Variants in CCDC18 observed in about 807,000 individuals in gnomAD.
CCDC18 encodes the protein coiled-coil domain containing 18, also known as coiled-coil domain-containing protein 18.
A neutral mutation model predicts 196.0 loss-of-function variants in CCDC18; 157 were observed. That is an observed-to-expected ratio of 0.80 (90% CI 0.70 to 0.91). CCDC18 has a LOEUF of 0.91. Ranked by LOEUF, CCDC18 falls within the 40% of genes least tolerant of loss-of-function variation. The pLI, the probability that CCDC18 is intolerant of heterozygous loss-of-function variation, is 0.00. For missense variants in CCDC18, 1,465 were observed against 1,611.6 expected (o/e 0.91, Z 1.56); for synonymous variants, 482 against 529.2 (o/e 0.91, Z 1.22).
At chr1:93,185,862 ATGTAT>A (rs1366737793) in intron 3 of CCDC18, among the ~76,000 whole-genome samples, 2 of 151,826 alleles carry the variant, frequency 1.3e-5, no homozygotes, top group African/African-American at 2.4e-5. Flanking sequence ...TGAAAATTAA[ATGTAT>A]TGTAAAATAT....
intron 5 of CCDC18, 70 bp downstream of exon 5, chr1:93,192,176 C>A: frequency 9.6e-7 from 1 of 1,046,230 alleles, no homozygotes; most frequent in Non-Finnish European, 1.5e-6. Flanking sequence ...CTTGTTAAAT[C>A]TTGTTCCCCA....
chr1:93,194,547 A>G (rs941290472), intron 6 of CCDC18, among the ~76,000 whole-genome samples: 5 of 152,144 alleles, frequency 3.3e-5, no homozygotes, highest in Admixed American at 1.3e-4. Flanking sequence ...ACCTTTTGAA[A>G]TCTCAGGTTT....
chr1:93,258,328 A>G (rs951594813), intron 25 of CCDC18, among the ~76,000 whole-genome samples: 2 of 152,096 alleles, frequency 1.3e-5, no homozygotes, highest in African/African-American at 2.4e-5. Context: ...AAAATTACAC[A>G]ATTAAAATTA....
chr1:93,191,034 C>T, intron 4 of CCDC18: 1 of 919,118 alleles, frequency 1.1e-6, no homozygotes, highest in Non-Finnish European at 1.7e-6. Context: ...TACAGAAAGT[C>T]CTGCAGGTTT....
intron 28 of CCDC18, 36 bp downstream of exon 28, chr1:93,270,850 G>T (rs1665197416): frequency 7.3e-7 from 1 of 1,370,558 alleles, no homozygotes; most frequent in Non-Finnish European, 9.5e-7. Flanking sequence ...GTAATAATTT[G>T]TTTCCAAAGA....
chr1:93,263,330 T>C (rs1415445528), intron 26 of CCDC18, among the ~76,000 whole-genome samples: 1 of 152,192 alleles, frequency 6.6e-6, no homozygotes, highest in East Asian at 1.9e-4. Flanking sequence ...AATTTTTTTT[T>C]AACTTTTATG....
intron 6 of CCDC18, among the ~76,000 whole-genome samples, chr1:93,200,250 C>T (rs1051489925): frequency 2.0e-5 from 3 of 151,406 alleles, no homozygotes; most frequent in African/African-American, 7.3e-5. Flanking sequence ...GTTTGGAATA[C>T]AGGCGTGAAC....
intron 9 of CCDC18, among the ~76,000 whole-genome samples, chr1:93,209,348 T>G (rs892222083): frequency 2.4e-4 from 36 of 152,224 alleles, no homozygotes; most frequent in Non-Finnish European, 7.3e-5. Flanking sequence ...AGAAGGTAAG[T>G]AAACCTATTC....
chr1:93,220,694 C>T (rs1657291191), intron 14 of CCDC18, among the ~76,000 whole-genome samples: 1 of 152,018 alleles, frequency 6.6e-6, no homozygotes, highest in South Asian at 2.1e-4. Context: ...TAAATGTGTG[C>T]CATGGTGGTT....
intron 19 of CCDC18, 89 bp downstream of exon 19, chr1:93,236,479 T>TG: frequency 7.2e-6 from 9 of 1,250,412 alleles, no homozygotes; most frequent in Non-Finnish European, 1.0e-5. Flanking sequence ...GTGGAGCATT[T>TG]GCTTGAGGAA....
chr1:93,218,706 C>T (rs1656908317), intron 14 of CCDC18, among the ~76,000 whole-genome samples: 1 of 152,100 alleles, frequency 6.6e-6, no homozygotes, highest in South Asian at 2.1e-4. Context: ...GATGGGGTTT[C>T]ACCATGTTGG....
intron 26 of CCDC18, among the ~76,000 whole-genome samples, chr1:93,263,165 AGAGG>A (rs1664046354): frequency 6.6e-6 from 1 of 152,068 alleles, no homozygotes; most frequent in African/African-American, 2.4e-5. Flanking sequence ...TTGTGATGGG[AGAGG>A]CTTCCTTGAA....
At chr1:93,273,885 A>C (rs888115326) in intron 28 of CCDC18, among the ~76,000 whole-genome samples, 10 of 152,170 alleles carry the variant, frequency 6.6e-5, no homozygotes, top group African/African-American at 2.4e-4. Flanking sequence ...TAACTCATTT[A>C]ATCCTTATAA....
At chr1:93,249,230 A>G (rs762581035) in intron 23 of CCDC18, among the ~76,000 whole-genome samples, 2 of 152,018 alleles carry the variant, frequency 1.3e-5, no homozygotes, top group African/African-American at 2.4e-5. Flanking sequence ...CATTTCTTCT[A>G]GTTTTTCCAA....
Position 93,221,930 on chromosome 1 carries a change from A to C in CCDC18, c.2169A>C (p.Thr723=), listed in dbSNP as rs745665930. The C allele has an allele frequency of 1.3e-6, 2 of 1,578,272 alleles. No homozygotes were observed. The highest frequency in any genetic ancestry group is 8.6e-7 in the Non-Finnish European group (1 of 1,157,682). Residue 723 remains threonine (T), a synonymous_variant, in exon 16 of 29, where the codon ACA becomes ACC. Coordinates refer to ENST00000690025, the MANE Select transcript of CCDC18 (RefSeq NM_001378204.1). The part of the protein sequence containing the change: ...KALQNQVSEE[T]IKVRQLDSAL... The stretch of plus-strand genomic sequence containing the variant: ...TACAGAACCAAGTATCTGAAGAAAC[A>C]ATCAAGGCTAGTATGCTAATACTTT...
intron 23 of CCDC18, among the ~76,000 whole-genome samples, chr1:93,250,378 C>CAAAAAAAAAAAAAAAAAAAA (rs71094242): frequency 1.1e-5 from 1 of 89,430 alleles, no homozygotes; most frequent in African/African-American, 3.7e-5. Context: ...GAGACCCTGT[C>CAAAAAAAAAAAAAAAAAAAA]AAAAAAAAAA....
intron 21 of CCDC18, among the ~76,000 whole-genome samples, chr1:93,242,985 G>A (rs1411662049): frequency 6.6e-6 from 1 of 152,166 alleles, no homozygotes; most frequent in African/African-American, 2.4e-5. Context: ...AGTATCTGTG[G>A]CTTTTCCAGG....
chr1:93,252,534 G>A (rs536887853), intron 23 of CCDC18, among the ~76,000 whole-genome samples: 13 of 150,908 alleles, frequency 8.6e-5, no homozygotes, highest in South Asian at 4.2e-4. Flanking sequence ...TCCCTGCGTC[G>A]TCTTAGAGTT....
At chr1:93,190,864 A>G in intron 4 of CCDC18, 2 of 728,188 alleles carry the variant, frequency 2.7e-6, no homozygotes, top group South Asian at 2.7e-5. Context: ...CCTTAGCACA[A>G]TCTTCTTTGT....
Sources: gnomAD v4.1 joint callset for allele counts (sites outside exome capture counted in the v4.1 genomes callset) on GRCh38, gnomAD v4.1.1 for gene constraint, MANE v1.5 for transcripts, NCBI Gene and HGNC (gene_info 2026-07-23, HGNC 2026-07-21) for gene names.